Variants in ANKRD13A observed in about 807,000 individuals in gnomAD.
ANKRD13A encodes the protein ankyrin repeat domain-containing protein 13A.
In ANKRD13A, 48 loss-of-function variants were observed where a neutral mutation model predicts 81.3. The observed-to-expected ratio is 0.59, with a 90% confidence interval of 0.47 to 0.75. ANKRD13A has a LOEUF of 0.75. ANKRD13A is among the 30% of genes least tolerant of loss of function. ANKRD13A has a pLI of 0.00. For missense variants in ANKRD13A, 612 were observed against 734.0 expected (o/e 0.83, Z 1.92); for synonymous variants, 230 against 270.1 (o/e 0.85, Z 1.45).
intron 13 of ANKRD13A, 92 bp downstream of exon 13, chr12:110,034,049 T>G: frequency 7.8e-7 from 1 of 1,279,186 alleles, no homozygotes; most frequent in Non-Finnish European, 1.0e-6. Context: ...AGATTTATTC[T>G]AAATATCAAG....
intron 1 of ANKRD13A, among the ~76,000 whole-genome samples, chr12:110,007,161 T>A (rs1465280730): frequency 1.3e-5 from 2 of 152,214 alleles, no homozygotes; most frequent in Non-Finnish European, 2.9e-5. Flanking sequence ...GACCTCTCTC[T>A]TCAAGGTGGC....
chr12:110,028,772 C>T, intron 10 of ANKRD13A, 130 bp downstream of exon 10: 2 of 1,309,388 alleles, frequency 1.5e-6, no homozygotes, highest in Non-Finnish European at 2.1e-6. Flanking sequence ...GAGTCTCGCT[C>T]TGTCGCCTAG....
intron 1 of ANKRD13A, among the ~76,000 whole-genome samples, chr12:110,008,308 ATC>A (rs1890339174): frequency 6.6e-6 from 1 of 152,196 alleles, no homozygotes; most frequent in Non-Finnish European, 1.5e-5. Context: ...TTAATTGACT[ATC>A]TGAAGTTATA....
chr12:110,035,535 T>C (rs1382162014), intron 13 of ANKRD13A, among the ~76,000 whole-genome samples: 1 of 152,066 alleles, frequency 6.6e-6, no homozygotes, highest in Non-Finnish European at 1.5e-5. Context: ...CTGCAGCCTC[T>C]GCCTCCCAGG....
chr12:110,036,408 C>A lies in ANKRD13A; in HGVS notation c.1577+80C>A. The A allele has an allele frequency of 2.1e-6, 3 of 1,425,926 alleles. No individual in the cohort carries two copies. The highest frequency in any genetic ancestry group is 3.0e-6 in the Non-Finnish European group (3 of 1,010,340). The allele number at this position is 1,425,926 out of a possible 1,614,324, so 88.3% of individuals were successfully genotyped here. On this transcript the variant is annotated intron_variant, in intron 14 of 14. Transcript: ENST00000261739. The surrounding 1 kb of genome is among the most constrained non-coding windows in gnomAD (Gnocchi z 4.6). ...AGGCGAGCAGACGCGTGGCACTGTG[C>A]ATTTGGTCCTCAGGCAGATGTACGG...
At chr12:110,013,346 T>C in intron 3 of ANKRD13A, 97 bp downstream of exon 3, 1 of 1,468,134 alleles carries the variant, frequency 6.8e-7, no homozygotes, top group Non-Finnish European at 9.3e-7. Context: ...TCCTAAAGAG[T>C]TTTCTGATTC....
Position 110,033,976 on chromosome 12 carries a change from T to C in ANKRD13A, c.1509+19T>C. The stretch of plus-strand genomic sequence containing the variant: ...GAGCCAGGTGTGTTTATCAGAATAC[T>C]CTAATGGCAGGGCGTGGGAGGTCTT... On this transcript the variant is annotated intron_variant, in intron 13 of 14. Coordinates refer to ENST00000261739, the MANE Select transcript of ANKRD13A (RefSeq NM_033121.2). 1 of 1,593,174 alleles carries C rather than the reference T, an allele frequency of 6.3e-7. No homozygotes were observed. Among genetic ancestry groups the C allele is most frequent in the Non-Finnish European group, 8.6e-7 (1 of 1,169,090 alleles).
intron 6 of ANKRD13A, 56 bp from the exon 7 acceptor site, chr12:110,023,990 T>G (rs1399737213): frequency 6.5e-7 from 1 of 1,529,208 alleles, no homozygotes; most frequent in Non-Finnish European, 9.0e-7. Flanking sequence ...GCTACAGATA[T>G]AAATCTGAAT....
Position 109,999,929 on chromosome 12 carries a change from T to C in ANKRD13A, c.96+145T>C. On this transcript the variant is annotated intron_variant, in intron 1 of 14. Coordinates refer to ENST00000261739, the MANE Select transcript of ANKRD13A (RefSeq NM_033121.2). The surrounding 1 kb of genome is among the most constrained non-coding windows in gnomAD (Gnocchi z 4.3). ...TGCAGGTGTGGGACAGTCCTAATAA[T>C]AGGACACGTATCGAGTGCTTACCGT... 1 of 603,408 alleles carries C rather than the reference T, an allele frequency of 1.7e-6. No individual in the cohort carries two copies. Among genetic ancestry groups the C allele is most frequent in the South Asian group, 2.6e-5 (1 of 37,862 alleles). 37.4% of individuals were successfully genotyped at this position (603,408 alleles called of 1,614,324 possible).
Position 110,016,429 on chromosome 12 carries a change from C to A in ANKRD13A, c.396C>A (p.Ser132Arg). The change falls in exon 4 of 15, where the codon AGC (serine) becomes AGA (arginine). Residue 132 changes from serine to arginine, a missense_variant. Coordinates refer to ENST00000261739, the MANE Select transcript of ANKRD13A (RefSeq NM_033121.2). ...FYVQMKWEFTSWVPLVSRICP... is the reference protein window; with the variant it reads ...FYVQMKWEFTRWVPLVSRICP... ...TGCAGATGAAATGGGAATTCACCAG[C>A]TGGGGTGAGTGGCTGTGGGCTCGTT... The A allele has an allele frequency of 6.3e-7, 1 of 1,593,156 alleles. No individual in the cohort carries two copies. Among genetic ancestry groups the A allele is most frequent in the Non-Finnish European group, 8.6e-7 (1 of 1,165,658 alleles).
chr12:110,000,555 C>G (rs1024685118), intron 1 of ANKRD13A, among the ~76,000 whole-genome samples: 1 of 152,042 alleles, frequency 6.6e-6, no homozygotes, highest in Non-Finnish European at 1.5e-5. Flanking sequence ...GCACCCACGA[C>G]CCCCCGGGGA....
Position 110,037,485 on chromosome 12 carries a change from G to A in ANKRD13A, c.1704G>A (p.Trp568Ter), listed in dbSNP as rs1052403700. The A allele has an allele frequency of 1.2e-6, 2 of 1,614,206 alleles. No homozygotes were observed. Among genetic ancestry groups the A allele is most frequent in the Non-Finnish European group, 1.7e-6 (2 of 1,180,038 alleles). ...TCTCTGCCAAAGAGCTGGAGGAATG[G>A]GAGCTCCGGCTCCAGGAGGAAGAGG... ...MELSAKELEE[W>*]ELRLQEEEAE... is the part of the protein sequence containing the mutation. The change falls in exon 15 of 15, where the codon TGG becomes TGA. Residue 568 changes from tryptophan to a stop codon, truncating the protein, a stop_gained. Transcript: ENST00000261739. LOFTEE classifies it high-confidence loss of function.
In ANKRD13A at chr12:109,999,794, G is replaced by T; in HGVS notation, c.96+10G>T. The T allele has an allele frequency of 6.5e-7, 1 of 1,527,954 alleles. No homozygotes were observed. 94.6% of individuals were successfully genotyped at this position (1,527,954 alleles called of 1,614,324 possible). A position where few individuals can be genotyped will look rare whatever the true frequency, so the allele number is the denominator to read the frequency against. On this transcript the variant is annotated intron_variant, in intron 1 of 14. Transcript: ENST00000261739. This position sits in a 1 kb window ranked among gnomAD's most constrained non-coding sequence, Gnocchi z 4.3. ...GGAGCTGCAGGGCCAGGTGAGGGGC[G>T]GGGCGGGGGTCCGTCTCCCGGTGGG...
intron 1 of ANKRD13A, among the ~76,000 whole-genome samples, chr12:110,010,392 T>G (rs1011194289): frequency 6.6e-6 from 1 of 152,252 alleles, no homozygotes; most frequent in African/African-American, 2.4e-5. Flanking sequence ...AATTATTTCT[T>G]TCCTGCTAAA....
rs921684976 is a variant in ANKRD13A at position 110,013,186 on chromosome 12, A to G, written c.291A>G (p.Arg97=). 5.0e-6 allele frequency: 8 copies of G among 1,614,036 alleles called. No individual in the cohort carries two copies. The highest frequency in any genetic ancestry group is 6.8e-6 in the Non-Finnish European group (8 of 1,180,034). Residue 97 remains arginine, a synonymous_variant, in exon 3 of 15, where the codon CGA becomes CGG. Transcript: ENST00000261739. ...TGGTGTACACAGTTCTCCAACATCG[A>G]GACTACCACAACACATCCATGGCCC... ...PEMVYTVLQH[R]DYHNTSMALE... is the part of the protein sequence containing the mutation.
At chr12:110,010,826 T>A (rs1447380188) in intron 1 of ANKRD13A, among the ~76,000 whole-genome samples, 7 of 152,242 alleles carry the variant, frequency 4.6e-5, no homozygotes, top group Admixed American at 3.9e-4. Flanking sequence ...CCTGCTTCAC[T>A]TTCCTAAGTG....
At chr12:110,022,168 A>C (rs1293314602) in intron 6 of ANKRD13A, 1 of 152,268 alleles carries the variant, frequency 6.6e-6, no homozygotes, top group East Asian at 1.9e-4. Context: ...GGAAATGCTG[A>C]GCTGGGCGTG....
intron 6 of ANKRD13A, among the ~76,000 whole-genome samples, chr12:110,020,113 A>G (rs575757595): frequency 1.3e-5 from 2 of 152,110 alleles, no homozygotes; most frequent in East Asian, 1.9e-4. Context: ...GAAAATGGAC[A>G]CTATCATCCT....
intron 6 of ANKRD13A, among the ~76,000 whole-genome samples, chr12:110,020,057 A>G (rs983566737): frequency 2.0e-5 from 3 of 152,202 alleles, no homozygotes; most frequent in African/African-American, 7.2e-5. Context: ...GTATTTGCCT[A>G]GGATGTCACA....
Sources: gnomAD v4.1 joint callset for allele counts (sites outside exome capture counted in the v4.1 genomes callset) on GRCh38, gnomAD v4.1.1 for gene constraint, Gnocchi (gnomAD v3.1) non-coding constraint, MANE v1.5 for transcripts, NCBI Gene and HGNC (gene_info 2026-07-23, HGNC 2026-07-21) for gene names.